Variants in KIAA0319L observed in about 807,000 individuals in gnomAD.
The protein encoded by KIAA0319L is KIAA0319 like.
In KIAA0319L, 55 loss-of-function variants were observed where a neutral mutation model predicts 120.1. The ratio of observed to expected loss-of-function variants is 0.46; its 90% CI spans 0.37 to 0.57. The LOEUF (loss-of-function observed/expected upper bound fraction) is 0.57. KIAA0319L is among the 20% of genes least tolerant of loss of function. KIAA0319L has a pLI of 0.00. For missense variants in KIAA0319L, 1,049 were observed against 1,255.3 expected (o/e 0.84, Z 2.48); for synonymous variants, 398 against 471.9 (o/e 0.84, Z 2.03).
In KIAA0319L at chr1:35,523,001, G is replaced by A. The variant is rs149072625; in HGVS notation, c.143-15866C>T. On this transcript the variant is annotated intron_variant, in intron 2 of 20. Coordinates refer to ENST00000325722, the MANE Select transcript of KIAA0319L (RefSeq NM_024874.5). Reference sequence around the variant, plus strand: ...ACCACTGCACTCCAGCCTGGCAAGAGTGAAACTCCACATAAAAAAAAAAAA... The same window carrying A: ...ACCACTGCACTCCAGCCTGGCAAGAATGAAACTCCACATAAAAAAAAAAAA... Among the ~76,000 whole-genome samples, 938 of 136,508 alleles carry A rather than the reference G, an allele frequency of 6.9e-3. 9 individuals carry two copies. The highest frequency in any genetic ancestry group is 0.025 in the African/African-American group (884 of 35,948). 89.6% of individuals were successfully genotyped at this position (136,508 alleles called of 152,430 possible). A position where few individuals can be genotyped will look rare whatever the true frequency, so the allele number is the denominator to read the frequency against.
intron 3 of KIAA0319L, among the ~76,000 whole-genome samples, chr1:35,479,776 G>GC (rs1259360708): frequency 6.6e-6 from 1 of 151,850 alleles, no homozygotes; most frequent in Non-Finnish European, 1.5e-5. Flanking sequence ...TGGTGGCCAT[G>GC]CCTGTGGTCC....
At chr1:35,466,491 T>C (rs1643272494) in intron 7 of KIAA0319L, 117 bp downstream of exon 7, 3 of 670,202 alleles carry the variant, frequency 4.5e-6, no homozygotes, top group South Asian at 3.6e-5. Context: ...GAACTAGGAA[T>C]TGCTGAATAA....
chr1:35,491,704 T>C (rs981266807), intron 3 of KIAA0319L, among the ~76,000 whole-genome samples: 2 of 152,046 alleles, frequency 1.3e-5, no homozygotes, highest in Non-Finnish European at 1.5e-5. Context: ...AAACCAAACA[T>C]GGTTCTTTGA....
chr1:35,492,089 T>A (rs1293315893), intron 3 of KIAA0319L, among the ~76,000 whole-genome samples: 1 of 152,132 alleles, frequency 6.6e-6, no homozygotes, highest in African/African-American at 2.4e-5. Flanking sequence ...ATAATACCAA[T>A]TCTACACAAA....
In KIAA0319L at chr1:35,487,657, C is replaced by T. The variant is rs140965533; in HGVS notation, c.667-8445G>A. Among the ~76,000 whole-genome samples, 263 of 152,310 alleles carry T rather than the reference C, an allele frequency of 1.7e-3. 1 individual carries two copies. The highest frequency in any genetic ancestry group is 1.6e-3 in the Non-Finnish European group (111 of 68,012). Reference sequence around the variant, plus strand: ...GTACTGTCTTTGTTTCTGGGGATTCCTCCCTAACTTTTCAGCCTTAAGATT... The same window carrying T: ...GTACTGTCTTTGTTTCTGGGGATTCTTCCCTAACTTTTCAGCCTTAAGATT... On this transcript the variant is annotated intron_variant, in intron 3 of 20. Coordinates refer to ENST00000325722, the MANE Select transcript of KIAA0319L (RefSeq NM_024874.5).
chr1:35,450,636 C>G, intron 13 of KIAA0319L, 127 bp from the exon 14 acceptor site: 1 of 836,748 alleles, frequency 1.2e-6, no homozygotes, highest in Non-Finnish European at 1.9e-6. Context: ...AAGTGCCTGT[C>G]CCTGCCACCA....
At chr1:35,479,839 G>C (rs1644071817) in intron 3 of KIAA0319L, among the ~76,000 whole-genome samples, 1 of 150,770 alleles carries the variant, frequency 6.6e-6, no homozygotes, top group South Asian at 2.1e-4. Context: ...GGAGGTCAAG[G>C]CCGCAGTGAA....
At position 35,451,738 on chromosome 1, in the gene KIAA0319L, C is replaced by T; in HGVS notation, c.1952G>A (p.Ser651Asn). 1 of 1,614,178 alleles carries T rather than the reference C, an allele frequency of 6.2e-7. No homozygotes were observed. The highest frequency in any genetic ancestry group is 2.2e-5 in the East Asian group (1 of 44,884). Residue 651 changes from serine (S) to asparagine (N), a missense_variant, in exon 13 of 21, where the codon AGT becomes AAT. Transcript: ENST00000325722. ...TTGCAGCCCAGTCACAGTAGCAACA[C>T]TGCTGTTAGCATTCTCGAGCTGCAC... ...DGVQLENANS[S>N]VATVTGLQVG...
At chr1:35,551,811 C>G (rs1334610004) in intron 2 of KIAA0319L, among the ~76,000 whole-genome samples, 1 of 151,006 alleles carries the variant, frequency 6.6e-6, no homozygotes, top group Non-Finnish European at 1.5e-5. Context: ...ACTGGCATAA[C>G]CTAATCCCCA....
chr1:35,524,022 A>G (rs922302023), intron 2 of KIAA0319L, among the ~76,000 whole-genome samples: 3 of 152,192 alleles, frequency 2.0e-5, no homozygotes, highest in Non-Finnish European at 4.4e-5. Context: ...GAAAAAGAAG[A>G]GGATGGAAAA....
intron 2 of KIAA0319L, chr1:35,510,338 C>T (rs983015190): frequency 6.6e-6 from 1 of 151,476 alleles, no homozygotes; most frequent in Admixed American, 6.6e-5. Flanking sequence ...GAGAGAAATA[C>T]CAATAAACGT....
At chr1:35,519,594 C>G (rs1645827027) in intron 2 of KIAA0319L, among the ~76,000 whole-genome samples, 1 of 152,176 alleles carries the variant, frequency 6.6e-6, no homozygotes, top group South Asian at 2.1e-4. Flanking sequence ...CACACAGTAG[C>G]CTTCAAAATT....
Position 35,506,487 on chromosome 1 carries a change from C to G in KIAA0319L, c.666+125G>C. ...CAGCACCAAAGAAGCTGACACCAAG[C>G]AGCTTTATATATACACTCCTCAGCC... On this transcript the variant is annotated intron_variant, in intron 3 of 20. Coordinates refer to ENST00000325722, the MANE Select transcript of KIAA0319L (RefSeq NM_024874.5). The surrounding 1 kb of genome is among the most constrained non-coding windows in gnomAD (Gnocchi z 4.0). 4 of 900,154 alleles carry G rather than the reference C, an allele frequency of 4.4e-6. No homozygotes were observed. Among genetic ancestry groups the G allele is most frequent in the Non-Finnish European group, 6.8e-6 (4 of 587,978 alleles). 55.8% of individuals were successfully genotyped at this position (900,154 alleles called of 1,614,324 possible).
intron 13 of KIAA0319L, 124 bp downstream of exon 13, chr1:35,451,504 A>T: frequency 1.1e-6 from 1 of 880,318 alleles, no homozygotes; most frequent in South Asian, 1.8e-5. Context: ...AATTGCCCTC[A>T]CCCCAACCCT....
intron 3 of KIAA0319L, among the ~76,000 whole-genome samples, chr1:35,481,885 C>T (rs1188982145): frequency 2.3e-5 from 3 of 130,070 alleles, no homozygotes; most frequent in South Asian, 2.6e-4. Flanking sequence ...AGTGCAGTGG[C>T]GCGATCTCGG....
Position 35,448,257 on chromosome 1 carries a change from A to T in KIAA0319L, c.2429T>A (p.Met810Lys). Residue 810 changes from methionine to lysine, a missense_variant, in exon 16 of 21, where the codon ATG becomes AAG. Transcript: ENST00000325722. ...VSQLTERLKG[M>K]FIRQIGVLLG... ...GAGGACCCCAATCTGGCGGATGAAC[A>T]TCCCCTTCAGCCTCTCAGTTAGCTG... 1 of 1,614,126 alleles carries T rather than the reference A, an allele frequency of 6.2e-7. No individual in the cohort carries two copies. The highest frequency in any genetic ancestry group is 2.2e-5 in the East Asian group (1 of 44,878).
chr1:35,495,115 G>A (rs1315436154), intron 3 of KIAA0319L, among the ~76,000 whole-genome samples: 1 of 152,132 alleles, frequency 6.6e-6, no homozygotes, highest in African/African-American at 2.4e-5. Context: ...GCTCATGCCT[G>A]TAATCCCAGC....
rs1047990957 is a variant in KIAA0319L, at chr1:35,478,810, G to A, written c.913+156C>T. 2.6e-5 allele frequency among the ~76,000 whole-genome samples: 4 copies of A among 152,186 alleles called. No homozygotes were observed. The East Asian group carries it at 5.8e-4, about 22-fold the overall frequency. ...AGGCCTGCTGAGGAAAGGCTCTAGA[G>A]CCCCCAGTCCATGACTGCAGGGGCA... On this transcript the variant is annotated intron_variant, in intron 4 of 20. Coordinates refer to ENST00000325722, the MANE Select transcript of KIAA0319L (RefSeq NM_024874.5).
chr1:35,462,682 A>G lies in KIAA0319L; in HGVS notation c.1233T>C (p.Ile411=), dbSNP rs1456592694. The change falls in exon 8 of 21, where the codon ATT becomes ATC. Residue 411 remains isoleucine, a synonymous_variant. Coordinates refer to ENST00000325722, the MANE Select transcript of KIAA0319L (RefSeq NM_024874.5). ...AGATCTCCTGGAACTGAGGTGACAC[A>G]ATAGCAATGGGGGGCCGATTCTTAC... is the stretch of plus-strand genomic sequence containing the variant. ...EPRKNRPPIA[I]VSPQFQEISL... The G allele has an allele frequency of 1.2e-6, 2 of 1,614,060 alleles. No homozygotes were observed.
Sources: allele counts gnomAD v4.1 joint callset (sites outside exome capture counted in the v4.1 genomes callset), GRCh38; gene constraint gnomAD v4.1.1; non-coding constraint Gnocchi (gnomAD v3.1); transcripts MANE v1.5; gene names NCBI Gene and HGNC (gene_info 2026-07-23, HGNC 2026-07-21).